Variants in GRB10 observed in about 807,000 individuals in gnomAD.
The protein encoded by GRB10 is growth factor receptor-bound protein 10.
Under a neutral mutation model 80.9 loss-of-function variants are expected in GRB10, and 20 were observed. The ratio of observed to expected loss-of-function variants is 0.25; its 90% CI spans 0.17 to 0.36. The LOEUF is 0.36. Among genes scored for constraint, GRB10 ranks in the 10% least tolerant of loss-of-function variants. The pLI is 1.00. For synonymous variants in GRB10, 291 were observed against 291.5 expected (o/e 1.00, Z 0.02); for missense variants, 548 against 747.7 (o/e 0.73, Z 3.12).
intron 9 of GRB10, among the ~76,000 whole-genome samples, chr7:50,618,521 C>G (rs577223454): frequency 6.6e-6 from 1 of 152,192 alleles, no homozygotes; most frequent in Admixed American, 6.5e-5. Flanking sequence ...TGCTGCATTC[C>G]CCAAAAACAG....
chr7:50,726,996 T>C (rs984122734), intron 4 of GRB10: 2 of 152,208 alleles, frequency 1.3e-5, no homozygotes, highest in African/African-American at 4.8e-5. Context: ...CCCCACCGCG[T>C]AGCATTGGCA....
In GRB10 at chr7:50,674,571, G is replaced by C. The variant is rs371957481; in HGVS notation, c.227C>G (p.Thr76Arg). 1.2e-6 allele frequency: 2 copies of C among 1,612,888 alleles called. No homozygotes were observed. The highest frequency in any genetic ancestry group is 1.7e-6 in the Non-Finnish European group (2 of 1,180,044). The change falls in exon 6 of 19, where the codon ACG becomes AGG. Residue 76 changes from threonine (T) to arginine (R), a missense_variant. Around this residue, in one of 4 missense-constraint regions of GRB10, gnomAD observed 245 missense variants for 229.3 expected, o/e 1.07. Coordinates refer to ENST00000401949, the MANE Select transcript of GRB10 (RefSeq NM_001350814.2). The part of the protein sequence containing the change: ...LYSACSMQSD[T>R]VPLLQNGQHA... ...CTGGCCATTCTGCAGGAGGGGCACC[G>C]TGTCTGACTGCATGCTGCAGGCCGA...
intron 2 of GRB10, among the ~76,000 whole-genome samples, chr7:50,758,086 C>G: frequency 6.6e-6 from 1 of 152,170 alleles, no homozygotes; most frequent in East Asian, 1.9e-4. Flanking sequence ...CTCTTTGAAC[C>G]TGATAAACTG....
intron 5 of GRB10, among the ~76,000 whole-genome samples, chr7:50,677,914 T>C (rs1389100747): frequency 6.6e-6 from 1 of 152,208 alleles, no homozygotes; most frequent in Non-Finnish European, 1.5e-5. Context: ...ACTCTGCCAA[T>C]TCAATGCCAG....
chr7:50,732,301 C>G lies in GRB10; in HGVS notation c.22G>C (p.Asp8His). 1 of 1,614,058 alleles carries G rather than the reference C, an allele frequency of 6.2e-7. No homozygotes were observed. Among genetic ancestry groups the G allele is most frequent in the Non-Finnish European group, 8.5e-7 (1 of 1,179,998 alleles). The change falls in exon 4 of 19, where the codon GAT (aspartate) becomes CAT (histidine). Residue 8 changes from aspartate to histidine, a missense_variant. Asp to His is a moderately conservative substitution (Grantham distance 81). This residue lies in a region of GRB10 where 245 missense variants were observed against 229.3 expected (regional missense o/e 1.07). Coordinates refer to ENST00000401949, the MANE Select transcript of GRB10 (RefSeq NM_001350814.2). MALAGCP[D>H]SFLHHPYYQD... ...TAGTACGGATGGTGCAAAAAGGAAT[C>G]TGGGCAGCCGGCTAAAGCCATGGGT...
At chr7:50,705,947 G>A (rs1449778867) in intron 4 of GRB10, among the ~76,000 whole-genome samples, 1 of 152,178 alleles carries the variant, frequency 6.6e-6, no homozygotes, top group Non-Finnish European at 1.5e-5. Flanking sequence ...GTACCTCCCA[G>A]CCCCAGCCCC....
intron 4 of GRB10, among the ~76,000 whole-genome samples, chr7:50,705,691 T>C (rs575878561): frequency 1.7e-4 from 26 of 152,358 alleles, no homozygotes; most frequent in Non-Finnish European, 2.8e-4. Flanking sequence ...TTGAAATTTT[T>C]CAGGCCAACA....
chr7:50,758,920 C>T (rs931604573), intron 2 of GRB10, among the ~76,000 whole-genome samples: 2 of 152,206 alleles, frequency 1.3e-5, no homozygotes, highest in Non-Finnish European at 2.9e-5. Flanking sequence ...CACAGTGGCT[C>T]ACACCTGTAA....
At chr7:50,744,826 C>T (rs188049273) in intron 3 of GRB10, among the ~76,000 whole-genome samples, 205 of 152,290 alleles carry the variant, frequency 1.3e-3, no homozygotes, top group African/African-American at 4.8e-3. Context: ...TACAGTAGTA[C>T]AGTAATTTTC....
At chr7:50,778,547 T>A (rs2077944342) in intron 2 of GRB10, among the ~76,000 whole-genome samples, 1 of 152,198 alleles carries the variant, frequency 6.6e-6, no homozygotes, top group African/African-American at 2.4e-5. Context: ...AGTGGAGCCT[T>A]ATACACAGAA....
intron 5 of GRB10, among the ~76,000 whole-genome samples, chr7:50,700,335 AT>A (rs1299209574): frequency 6.6e-6 from 1 of 151,696 alleles, no homozygotes; most frequent in Non-Finnish European, 1.5e-5. Context: ...CCAGATTTCC[AT>A]TTTTTCGTTC....
At chr7:50,593,219 A>T in intron 18 of GRB10, 121 bp from the exon 19 acceptor site, 1 of 1,144,116 alleles carries the variant, frequency 8.7e-7, no homozygotes, top group Non-Finnish European at 1.3e-6. Context: ...CACACAGGGC[A>T]AGGTAGGCTA....
chr7:50,694,883 T>C (rs1251524251), intron 5 of GRB10, among the ~76,000 whole-genome samples: 1 of 152,202 alleles, frequency 6.6e-6, no homozygotes, highest in Non-Finnish European at 1.5e-5. Context: ...AACACATTTC[T>C]CACCCCAAGA....
At chr7:50,628,085 A>C (rs1338509981) in intron 7 of GRB10, among the ~76,000 whole-genome samples, 1 of 152,172 alleles carries the variant, frequency 6.6e-6, no homozygotes, top group Non-Finnish European at 1.5e-5. Flanking sequence ...AACCGCAACA[A>C]CACAACTCTC....
chr7:50,710,917 C>G (rs2065798059), intron 4 of GRB10: 1 of 1,612,394 alleles, frequency 6.2e-7, no homozygotes. Flanking sequence ...TAGGAGGTCT[C>G]TCTCTCCCTC....
At chr7:50,636,149 T>C (rs2054985985) in intron 7 of GRB10, among the ~76,000 whole-genome samples, 1 of 151,972 alleles carries the variant, frequency 6.6e-6, no homozygotes, top group South Asian at 2.1e-4. Context: ...GGCTAATTTT[T>C]GTATTTTCTA....
intron 7 of GRB10, among the ~76,000 whole-genome samples, chr7:50,642,302 G>GCA (rs150167179): frequency 4.0e-5 from 6 of 148,600 alleles, no homozygotes; most frequent in East Asian, 2.0e-4. Flanking sequence ...ACACACGCAT[G>GCA]CACACACACA....
At chr7:50,626,034 G>C (rs1332206306) in intron 8 of GRB10, among the ~76,000 whole-genome samples, 1 of 152,154 alleles carries the variant, frequency 6.6e-6, no homozygotes, top group Non-Finnish European at 1.5e-5. Flanking sequence ...TTGATTTAGA[G>C]AAAATTTTGG....
At chr7:50,607,359 A>T (rs73344835) in intron 13 of GRB10, among the ~76,000 whole-genome samples, 43,924 of 152,116 alleles carry the variant, frequency 0.29, 7,400 homozygotes, top group East Asian at 0.49. Context: ...TATATAAAAA[A>T]ATCTCTAAGT....
Sources: gnomAD v4.1 joint callset for allele counts (sites outside exome capture counted in the v4.1 genomes callset) on GRCh38, gnomAD v4.1.1 for gene constraint, gnomAD v4.1.1 regional missense constraint, MANE v1.5 for transcripts, NCBI Gene and HGNC (gene_info 2026-07-23, HGNC 2026-07-21) for gene names.